RALYL: variants seen among roughly 807,000 people sequenced by gnomAD.
RALYL encodes RNA-binding Raly-like protein.
RALYL carries 29 observed loss-of-function variants against 35.1 expected under a neutral mutation model. The ratio of observed to expected loss-of-function variants is 0.83; its 90% CI spans 0.61 to 1.13. RALYL has a LOEUF of 1.13. RALYL is among the 50% of genes most tolerant of loss of function. RALYL has a pLI of 0.00. For missense variants in RALYL, 359 were observed against 360.4 expected (o/e 1.00, Z 0.03); for synonymous variants, 120 against 127.6 (o/e 0.94, Z 0.40).
At chr8:84,777,905 C>T (rs1401057185) in intron 3 of RALYL, among the ~76,000 whole-genome samples, 5 of 152,016 alleles carry the variant, frequency 3.3e-5, no homozygotes, top group East Asian at 3.9e-4. Context: ...CCTCCCAAAG[C>T]GCTGGGATTA....
intron 8 of RALYL, among the ~76,000 whole-genome samples, chr8:84,891,622 A>G (rs1843863869): frequency 6.6e-6 from 1 of 152,182 alleles, no homozygotes; most frequent in African/African-American, 2.4e-5. Flanking sequence ...AACTAGAGAT[A>G]AATCCTATCT....
intron 1 of RALYL, among the ~76,000 whole-genome samples, chr8:84,397,846 A>AC (rs1481918695): frequency 6.6e-6 from 1 of 152,132 alleles, no homozygotes; most frequent in Non-Finnish European, 1.5e-5. Flanking sequence ...TTTAAGAGAG[A>AC]CCCATACTTC....
intron 2 of RALYL, among the ~76,000 whole-genome samples, chr8:84,546,403 G>A (rs1310420323): frequency 6.6e-6 from 1 of 152,122 alleles, no homozygotes; most frequent in Non-Finnish European, 1.5e-5. Flanking sequence ...TTACAGGTGT[G>A]AGCCACCACG....
chr8:84,760,884 C>T (rs930544797), intron 2 of RALYL, among the ~76,000 whole-genome samples: 2 of 151,960 alleles, frequency 1.3e-5, no homozygotes, highest in African/African-American at 4.8e-5. Context: ...AGATAGTTAT[C>T]TTCTGTATCA....
At chr8:84,647,883 G>T (rs1044663268) in intron 2 of RALYL, among the ~76,000 whole-genome samples, 2 of 152,100 alleles carry the variant, frequency 1.3e-5, no homozygotes, top group Admixed American at 6.6e-5. Context: ...AATCCTGGAA[G>T]ATGTGAGTTA....
chr8:84,873,287 A>G lies in RALYL; in HGVS notation c.575A>G (p.Lys192Arg), dbSNP rs750740658. Reference sequence around the variant, plus strand: ...CTTCCTTCTTTCTACTTTCCAGTGAAATCAGATGAGTTACAGACCATCAAG... The same window carrying G: ...CTTCCTTCTTTCTACTTTCCAGTGAGATCAGATGAGTTACAGACCATCAAG... ...TASGSTGSKLKSDELQTIKKE... is the reference protein window; with the variant it reads ...TASGSTGSKLRSDELQTIKKE... The change falls in exon 7 of 9, where the codon AAA becomes AGA. Residue 192 changes from lysine to arginine, a missense_variant. By Grantham distance (26) the Lys-to-Arg change is conservative. Transcript: ENST00000521268. 4 of 1,556,712 alleles carry G rather than the reference A, an allele frequency of 2.6e-6. No individual in the cohort carries two copies. The highest frequency in any genetic ancestry group is 2.7e-5 in the African/African-American group (2 of 73,706).
intron 2 of RALYL, among the ~76,000 whole-genome samples, chr8:84,565,084 C>G (rs1394847785): frequency 6.6e-6 from 1 of 151,474 alleles, no homozygotes; most frequent in African/African-American, 2.4e-5. Context: ...TTAGCAGCTT[C>G]CCTGAGATTT....
chr8:84,849,960 T>C lies in RALYL; in HGVS notation c.366-20T>C. The C allele has an allele frequency of 1.4e-6, 2 of 1,405,638 alleles. No homozygotes were observed. The highest frequency in any genetic ancestry group is 1.9e-6 in the Non-Finnish European group (2 of 1,047,490). 87.1% of individuals were successfully genotyped at this position (1,405,638 alleles called of 1,614,324 possible). A position where few individuals can be genotyped will look rare whatever the true frequency, so the allele number is the denominator to read the frequency against. On this transcript the variant is annotated intron_variant, in intron 4 of 8. Transcript: ENST00000521268. ...GTCATTGAAACAAATGCCAACTAATTTTTTTGTTTCCCTCTTTAGCGGTTA... is the reference window on the plus strand; with the variant it reads ...GTCATTGAAACAAATGCCAACTAATCTTTTTGTTTCCCTCTTTAGCGGTTA...
chr8:84,867,801 G>C (rs1220627931), intron 6 of RALYL, among the ~76,000 whole-genome samples: 1 of 151,984 alleles, frequency 6.6e-6, no homozygotes, highest in African/African-American at 2.4e-5. Context: ...CAATTAATCA[G>C]CACCTAACAC....
chr8:84,337,808 C>T (rs1848082757), intron 1 of RALYL, among the ~76,000 whole-genome samples: 1 of 152,138 alleles, frequency 6.6e-6, no homozygotes, highest in African/African-American at 2.4e-5. Context: ...AAAAGACACT[C>T]AACTCACCTT....
intron 1 of RALYL, among the ~76,000 whole-genome samples, chr8:84,209,655 T>A (rs1818972022): frequency 6.6e-6 from 1 of 152,170 alleles, no homozygotes; most frequent in Admixed American, 6.6e-5. Context: ...TAGGTTCACC[T>A]GAGCCTAGGA....
chr8:84,796,337 G>A (rs1204216817), intron 3 of RALYL, among the ~76,000 whole-genome samples: 1 of 152,170 alleles, frequency 6.6e-6, no homozygotes, highest in African/African-American at 2.4e-5. Context: ...CAGGTTAGGG[G>A]ACAAGAATAA....
At chr8:84,297,605 A>C (rs1425153315) in intron 1 of RALYL, among the ~76,000 whole-genome samples, 1 of 152,040 alleles carries the variant, frequency 6.6e-6, no homozygotes, top group Non-Finnish European at 1.5e-5. Context: ...TGGTAGTTTA[A>C]GTTCTTTGAG....
At chr8:84,892,830 T>C (rs1844105785) in intron 8 of RALYL, among the ~76,000 whole-genome samples, 1 of 152,144 alleles carries the variant, frequency 6.6e-6, no homozygotes, top group South Asian at 2.1e-4. Flanking sequence ...TCTACAATAA[T>C]CTATACCTAT....
intron 2 of RALYL, among the ~76,000 whole-genome samples, chr8:84,689,299 A>G (rs953137524): frequency 1.6e-4 from 25 of 152,050 alleles, no homozygotes; most frequent in Admixed American, 1.4e-3. Context: ...TCATTGTTCA[A>G]TTCCCACCTA....
intron 5 of RALYL, among the ~76,000 whole-genome samples, chr8:84,859,953 T>C (rs1837795594): frequency 6.6e-6 from 1 of 152,126 alleles, no homozygotes. Context: ...CAAAGGAAAG[T>C]TGTTTAGTAA....
chr8:84,499,825 G>A (rs1462675300), intron 1 of RALYL, among the ~76,000 whole-genome samples: 1 of 152,074 alleles, frequency 6.6e-6, no homozygotes, highest in Non-Finnish European at 1.5e-5. Flanking sequence ...CACCATCATG[G>A]CTTACTGCAG....
At chr8:84,407,014 C>T (rs1424993656) in intron 1 of RALYL, among the ~76,000 whole-genome samples, 1 of 142,662 alleles carries the variant, frequency 7.0e-6, no homozygotes, top group Non-Finnish European at 1.5e-5. Flanking sequence ...CTCTCTCTCT[C>T]TCTCTATATA....
intron 1 of RALYL, among the ~76,000 whole-genome samples, chr8:84,346,319 T>C (rs73294924): frequency 0.068 from 10,388 of 152,192 alleles, 459 homozygotes; most frequent in African/African-American, 0.093. Flanking sequence ...GTCTTTAAAG[T>C]AATTTATTAC....
Sources: allele counts gnomAD v4.1 joint callset (sites outside exome capture counted in the v4.1 genomes callset), GRCh38; gene constraint gnomAD v4.1.1; transcripts MANE v1.5; gene names NCBI Gene and HGNC (gene_info 2026-07-23, HGNC 2026-07-21).